SCUBE2: variants seen among roughly 807,000 people sequenced by gnomAD.
SCUBE2 encodes the protein signal peptide, CUB domain and EGF like domain containing 2.
Under a neutral mutation model 125.9 loss-of-function variants are expected in SCUBE2, and 114 were observed. The observed-to-expected ratio is 0.91, with a 90% CI of 0.78 to 1.06. The LOEUF is 1.06. SCUBE2 is among the 50% of genes least tolerant of loss of function. The pLI is 0.00. For missense variants in SCUBE2, 1,255 were observed against 1,301.8 expected (o/e 0.96, Z 0.55); for synonymous variants, 459 against 492.9 (o/e 0.93, Z 0.91).
intron 14 of SCUBE2, among the ~76,000 whole-genome samples, chr11:9,048,844 T>C (rs1254280045): frequency 6.6e-6 from 1 of 152,210 alleles, no homozygotes; most frequent in Non-Finnish European, 1.5e-5. Flanking sequence ...AAATCTTTAT[T>C]GAAATGAAGT....
chr11:9,060,916 C>T (rs550574905), intron 7 of SCUBE2, among the ~76,000 whole-genome samples: 3 of 152,162 alleles, frequency 2.0e-5, no homozygotes, highest in East Asian at 1.9e-4. Context: ...CTTCTCCTTT[C>T]GATATGAGTA....
rs3794151 is a variant in SCUBE2 at position 9,033,155 on chromosome 11, T to G, written c.2173+471A>C. ...TTGAGATTGACTTCAAAGTTAACATTTTATAAGAGATAATGAAAAGCTCTT... is the reference window on the plus strand; with the variant it reads ...TTGAGATTGACTTCAAAGTTAACATGTTATAAGAGATAATGAAAAGCTCTT... On this transcript the variant is annotated intron_variant, in intron 17 of 22. Transcript: ENST00000649792. 2.4e-4 allele frequency among the ~76,000 whole-genome samples: 36 copies of G among 152,250 alleles called. No individual in the cohort carries two copies. The East Asian group carries it at 6.8e-3, about 29-fold the overall frequency.
In SCUBE2 at chr11:9,027,528, G is replaced by A. The variant is rs767544691; in HGVS notation, c.2537C>T (p.Thr846Ile). Residue 846 changes from threonine to isoleucine, a missense_variant, in exon 20 of 23, where the codon ACT (threonine) becomes ATT (isoleucine). Physicochemically the swap from Thr to Ile is moderately conservative, Grantham distance 89 (BLOSUM62 -1). Around this residue, in one of 3 missense-constraint regions of SCUBE2, gnomAD observed 515 missense variants for 515.7 expected, o/e 1.00. Coordinates refer to ENST00000649792, the MANE Select transcript of SCUBE2 (RefSeq NM_001367977.2). ...GTAGTTTGGGGATTCAATGTACCCAGTGAAATCTCCCAGCTCCCCTCCACA... is the reference window on the plus strand; with the variant it reads ...GTAGTTTGGGGATTCAATGTACCCAATGAAATCTCCCAGCTCCCCTCCACA... Reference protein sequence around the residue: ...RRCGGELGDFTGYIESPNYPG... With the variant: ...RRCGGELGDFIGYIESPNYPG... 3.6e-5 allele frequency: 58 copies of A among 1,614,014 alleles called. No individual in the cohort carries two copies. The highest frequency in any genetic ancestry group is 4.5e-5 in the Non-Finnish European group (53 of 1,179,966).
chr11:9,039,671 C>T (rs905687786), intron 16 of SCUBE2, among the ~76,000 whole-genome samples: 2 of 152,108 alleles, frequency 1.3e-5, no homozygotes, highest in Admixed American at 6.6e-5. Flanking sequence ...AAGAAACAAA[C>T]GAAGCTCCTC....
chr11:9,064,131 A>G (rs1859961635), intron 7 of SCUBE2, among the ~76,000 whole-genome samples: 1 of 152,160 alleles, frequency 6.6e-6, no homozygotes. Context: ...AGTCTTTCAT[A>G]ATAGGAAGTT....
At chr11:9,053,348 T>TA (rs1858633178) in intron 11 of SCUBE2, 133 bp from the exon 12 acceptor site, 1 of 785,488 alleles carries the variant, frequency 1.3e-6, no homozygotes, top group Non-Finnish European at 2.0e-6. Flanking sequence ...ACATAGATGC[T>TA]AGGCCTTATT....
At chr11:9,043,669 T>C (rs1857437804) in intron 16 of SCUBE2, among the ~76,000 whole-genome samples, 1 of 152,158 alleles carries the variant, frequency 6.6e-6, no homozygotes. Flanking sequence ...TTTAATGCTA[T>C]ACAAAGGACA....
chr11:9,076,282 G>T (rs2135857205), intron 3 of SCUBE2, among the ~76,000 whole-genome samples: 1 of 152,122 alleles, frequency 6.6e-6, no homozygotes, highest in Non-Finnish European at 1.5e-5. Context: ...CCAGCAGAGA[G>T]GTAGGGAGGG....
chr11:9,024,513 C>T, intron 21 of SCUBE2: 1 of 702,348 alleles, frequency 1.4e-6, no homozygotes, highest in Non-Finnish European at 2.1e-6. Flanking sequence ...TCCTAAAATC[C>T]TTCAGTGGCT....
intron 20 of SCUBE2, 171 bp from the exon 21 acceptor site, chr11:9,026,025 G>T: frequency 1.5e-6 from 1 of 658,498 alleles, no homozygotes; most frequent in Non-Finnish European, 2.5e-6. Flanking sequence ...AGTAGATTCA[G>T]CTGGTAATTG....
intron 17 of SCUBE2, 89 bp from the exon 18 acceptor site, chr11:9,031,014 T>C: frequency 7.9e-7 from 1 of 1,261,970 alleles, no homozygotes; most frequent in East Asian, 2.5e-5. Context: ...CAGTCCAACC[T>C]GTTACCCAGT....
At chr11:9,061,984 C>A (rs1258592289) in intron 7 of SCUBE2, among the ~76,000 whole-genome samples, 1 of 152,150 alleles carries the variant, frequency 6.6e-6, no homozygotes, top group Non-Finnish European at 1.5e-5. Flanking sequence ...AAGAGATAAA[C>A]CCCAGAGCTC....
Position 9,021,875 on chromosome 11 carries a change from C to A in SCUBE2, c.2934+1G>T. On this transcript the variant is annotated splice_donor_variant, in intron 22 of 22. Transcript: ENST00000649792. LOFTEE classifies it high-confidence loss of function. ...CATGTCCACCTGAGCCAGGCACTCA[C>A]CTTAAGTATTTCCTGATGGTTCTCA... 2 of 1,611,584 alleles carry A rather than the reference C, an allele frequency of 1.2e-6. No homozygotes were observed. The highest frequency in any genetic ancestry group is 1.7e-6 in the Non-Finnish European group (2 of 1,177,934).
At chr11:9,073,031 A>C (rs563496846) in intron 4 of SCUBE2, among the ~76,000 whole-genome samples, 108 of 152,296 alleles carry the variant, frequency 7.1e-4, no homozygotes, top group African/African-American at 2.5e-3. Flanking sequence ...TGAGGGCTCA[A>C]GCGATGGCTT....
At chr11:9,082,707 A>T (rs112530982) in intron 2 of SCUBE2, among the ~76,000 whole-genome samples, 57 of 152,372 alleles carry the variant, frequency 3.7e-4, no homozygotes, top group Non-Finnish European at 6.2e-4. Context: ...TTGCTAAGTG[A>T]AAGAATCCAA....
intron 5 of SCUBE2, 65 bp from the exon 6 acceptor site, chr11:9,066,878 TC>T: frequency 7.6e-7 from 1 of 1,309,346 alleles, no homozygotes; most frequent in Non-Finnish European, 1.1e-6. Flanking sequence ...CTGTGTTTGC[TC>T]CAGAGAAATT....
intron 16 of SCUBE2, among the ~76,000 whole-genome samples, chr11:9,045,087 T>C (rs1445495135): frequency 6.6e-6 from 1 of 152,194 alleles, no homozygotes; most frequent in East Asian, 1.9e-4. Context: ...AATTGTAAAC[T>C]CTGTGAGGGC....
At chr11:9,066,932 A>T in intron 5 of SCUBE2, 119 bp from the exon 6 acceptor site, 1 of 773,078 alleles carries the variant, frequency 1.3e-6, no homozygotes, top group African/African-American at 1.7e-5. Flanking sequence ...AGTGCATGCC[A>T]GGCATGGTGC....
In SCUBE2 at chr11:9,053,637, CCA is replaced by C; in HGVS notation, c.1328_1329del (p.Val443GlyfsTer20). Reference protein sequence around the residue: ...YKLHWNKKDCVEVKGLLPTSV... With the variant: ...YKLHWNKKDCXEVKGLLPTSV... The stretch of plus-strand genomic sequence containing the variant: ...GAGTCTGTGCCTCGGTTCCCCTTAC[CCA>C]CACAGTCTTTTTTATTCCAGTGGAG... On this transcript the variant is annotated frameshift_variant and splice_region_variant, in exon 11 of 23. Coordinates refer to ENST00000649792, the MANE Select transcript of SCUBE2 (RefSeq NM_001367977.2). LOFTEE classifies it high-confidence loss of function. 6.2e-7 allele frequency: 1 copy of C among 1,613,922 alleles called. No homozygotes were observed.
Sources: allele counts gnomAD v4.1 joint callset (sites outside exome capture counted in the v4.1 genomes callset), GRCh38; gene constraint gnomAD v4.1.1; regional missense constraint gnomAD v4.1.1; transcripts MANE v1.5; gene names NCBI Gene and HGNC (gene_info 2026-07-23, HGNC 2026-07-21).